Variants in ZXDB observed in about 807,000 individuals in gnomAD.
The protein encoded by ZXDB is zinc finger X-linked duplicated B, also known as zinc finger X-linked protein ZXDB.
For missense variants in ZXDB, 413 were observed against 679.1 expected (o/e 0.61, Z 4.36); for synonymous variants, 273 against 314.3 (o/e 0.87, Z 1.39).
Position 57,593,369 on chromosome X carries a change from C to G in ZXDB, c.1321C>G (p.Leu441Val). The G allele has an allele frequency of 8.3e-7, 1 of 1,211,931 alleles. No homozygotes were observed. Among genetic ancestry groups the G allele is most frequent in the Non-Finnish European group, 1.1e-6 (1 of 895,519 alleles). The change falls in exon 1 of 1, where the codon CTG (leucine) becomes GTG (valine). Residue 441 changes from leucine to valine, a missense_variant. Coordinates refer to ENST00000374888, the MANE Select transcript of ZXDB (RefSeq NM_007157.4). Reference sequence around the variant, plus strand: ...CAAACAATATGACAAGGCTTGTAGGCTGAAAATTCACCTGCGGAGTCACAC... The same window carrying G: ...CAAACAATATGACAAGGCTTGTAGGGTGAAAATTCACCTGCGGAGTCACAC... ...CSKQYDKACR[L>V]KIHLRSHTGE...
chrX:57,592,930 G>T lies in ZXDB; in HGVS notation c.882G>T (p.Thr294=). The change falls in exon 1 of 1, where the codon ACG becomes ACT. Residue 294 remains threonine, a synonymous_variant. Transcript: ENST00000374888. ...ACCAGCTGAAGGTGCACCTGCTGAC[G>T]CACAGCAGCAGCCAGGGCCAGAGGC... is the stretch of plus-strand genomic sequence containing the variant. The part of the protein sequence containing the change: ...KKHQLKVHLL[T]HSSSQGQRPF... 1 of 1,199,679 alleles carries T rather than the reference G, an allele frequency of 8.3e-7. No homozygotes were observed. The highest frequency in any genetic ancestry group is 1.1e-6 in the Non-Finnish European group (1 of 889,778).
Position 57,592,292 on chromosome X carries a change from AGCGGCG to A in ZXDB, c.263_268del (p.Gly88_Gly89del), listed in dbSNP as rs762823700. ...GTTGGCGCCGAGGACCGATCAACCT[AGCGGCG>A]GCGGCGGCGGCGGCGGCGACGACTT... On this transcript the variant is annotated inframe_deletion, in exon 1 of 1. Coordinates refer to ENST00000374888, the MANE Select transcript of ZXDB (RefSeq NM_007157.4). The A allele has an allele frequency of 1.1e-5, 13 of 1,183,647 alleles. No homozygotes were observed. Among genetic ancestry groups the A allele is most frequent in the East Asian group, 9.4e-5 (3 of 31,836 alleles).
In ZXDB at chrX:57,594,698, G is replaced by T; in HGVS notation, c.*238G>T. 2.7e-6 allele frequency: 1 copy of T among 376,395 alleles called. No individual in the cohort carries two copies. The highest frequency in any genetic ancestry group is 4.6e-6 in the Non-Finnish European group (1 of 217,862). 31.0% of individuals were successfully genotyped at this position (376,395 alleles called of 1,213,427 possible). ...TTAATTTCCTTATTTATAAATTGAGGTGGTTTGAATAGATTGCTTTTAAGG... is the reference window on the plus strand; with the variant it reads ...TTAATTTCCTTATTTATAAATTGAGTTGGTTTGAATAGATTGCTTTTAAGG... On this transcript the variant is annotated 3_prime_UTR_variant, in exon 1 of 1. Coordinates refer to ENST00000374888, the MANE Select transcript of ZXDB (RefSeq NM_007157.4).
rs1414367768 is a variant in ZXDB, at chrX:57,595,525, T to G, written c.*1065T>G. ...AGCTGCTGCAGATAAATGCATTAATTCATGATGCTTCTGATATGATGAGTC... is the reference window on the plus strand; with the variant it reads ...AGCTGCTGCAGATAAATGCATTAATGCATGATGCTTCTGATATGATGAGTC... On this transcript the variant is annotated 3_prime_UTR_variant, in exon 1 of 1. Transcript: ENST00000374888. 8.1e-6 allele frequency: 1 copy of G among 123,528 alleles called. No individual in the cohort carries two copies. The highest frequency in any genetic ancestry group is 3.2e-5 in the African/African-American group (1 of 30,914). 10.2% of individuals were successfully genotyped at this position (123,528 alleles called of 1,213,427 possible).
At position 57,596,631 on chromosome X, in the gene ZXDB, C is replaced by A. The variant is rs1190475519; in HGVS notation, c.*2171C>A. On this transcript the variant is annotated 3_prime_UTR_variant, in exon 1 of 1. Coordinates refer to ENST00000374888, the MANE Select transcript of ZXDB (RefSeq NM_007157.4). ...TTTTCACCCCTCCCAGTCTACCCAT[C>A]CAGCCTTCATGATTCATTCCTGTGT... 2 of 122,986 alleles carry A rather than the reference C, an allele frequency of 1.6e-5. No individual in the cohort carries two copies. The highest frequency in any genetic ancestry group is 5.7e-4 in the East Asian group (2 of 3,522). 10.1% of individuals were successfully genotyped at this position (122,986 alleles called of 1,213,427 possible).
At position 57,593,591 on chromosome X, in the gene ZXDB, G is replaced by A. The variant is rs765959510; in HGVS notation, c.1543G>A (p.Val515Met). ...AACCCACCTGGGCACAAAGCCTTTC[G>A]TGTGTCCTGTGGCAGGCTGCTGTGC... The part of the protein sequence containing the change: ...SITHLGTKPF[V>M]CPVAGCCARF... Residue 515 changes from valine (V) to methionine (M), a missense_variant, in exon 1 of 1, where the codon GTG (valine) becomes ATG (methionine). Physicochemically the swap from Val to Met is conservative, Grantham distance 21. Transcript: ENST00000374888. The A allele has an allele frequency of 1.8e-5, 22 of 1,209,035 alleles. No individual in the cohort carries two copies. In the East Asian group the frequency reaches 6.2e-4, roughly 34 times the overall value.
Position 57,592,349 on chromosome X carries a change from G to C in ZXDB, c.301G>C (p.Gly101Arg). Reference sequence around the variant, plus strand: ...CTTCCTGGTGCTGCTTGACCCGGTGGGTGGCGACGTGGAGACCGCGGGCTC... The same window carrying C: ...CTTCCTGGTGCTGCTTGACCCGGTGCGTGGCGACGTGGAGACCGCGGGCTC... ...DFFLVLLDPV[G>R]GDVETAGSGQ... The change falls in exon 1 of 1, where the codon GGT (glycine) becomes CGT (arginine). Residue 101 changes from glycine to arginine, a missense_variant. Coordinates refer to ENST00000374888, the MANE Select transcript of ZXDB (RefSeq NM_007157.4). 1.1e-5 allele frequency: 13 copies of C among 1,193,388 alleles called. No individual in the cohort carries two copies. The highest frequency in any genetic ancestry group is 1.5e-5 in the Non-Finnish European group (13 of 890,305).
At position 57,594,737 on chromosome X, in the gene ZXDB, T is replaced by C. The variant is rs2057905959; in HGVS notation, c.*277T>C. 3.7e-6 allele frequency: 1 copy of C among 267,292 alleles called. No individual in the cohort carries two copies. The highest frequency in any genetic ancestry group is 2.8e-5 in the African/African-American group (1 of 35,331). The allele number at this position is 267,292 out of a possible 1,213,427, so 22.0% of individuals were successfully genotyped here. ...TTGCTTTTAAGGTCTTTCTGCTCTG[T>C]GATTCCTTGATAATACATTTCTTTC... On this transcript the variant is annotated 3_prime_UTR_variant, in exon 1 of 1. Transcript: ENST00000374888.
In ZXDB at chrX:57,592,291, TAGCGGCGGC is replaced by T. The variant is rs2057895131; in HGVS notation, c.244_252del (p.Ser82_Gly84del). 8.4e-7 allele frequency: 1 copy of T among 1,185,554 alleles called. No individual in the cohort carries two copies. Among genetic ancestry groups the T allele is most frequent in the African/African-American group, 1.8e-5 (1 of 54,793 alleles). ...TGTTGGCGCCGAGGACCGATCAACC[TAGCGGCGGC>T]GGCGGCGGCGGCGGCGACGACTTCT... On this transcript the variant is annotated inframe_deletion, in exon 1 of 1. Transcript: ENST00000374888.
In ZXDB at chrX:57,592,440, A is replaced by G; in HGVS notation, c.392A>G (p.Glu131Gly). Reference protein sequence around the residue: ...AEEGPGLQGGESGANPAGPTA... With the variant: ...AEEGPGLQGGGSGANPAGPTA... ...GAGGGCCCGGGGCTCCAGGGGGGCG[A>G]GAGCGGCGCGAATCCCGCGGGGCCC... The change falls in exon 1 of 1, where the codon GAG becomes GGG. Residue 131 changes from glutamate to glycine, a missense_variant. Coordinates refer to ENST00000374888, the MANE Select transcript of ZXDB (RefSeq NM_007157.4). 1 of 1,160,122 alleles carries G rather than the reference A, an allele frequency of 8.6e-7. No homozygotes were observed. The highest frequency in any genetic ancestry group is 1.1e-6 in the Non-Finnish European group (1 of 873,842).
Position 57,595,194 on chromosome X carries a change from G to A in ZXDB, c.*734G>A, listed in dbSNP as rs749298969. On this transcript the variant is annotated 3_prime_UTR_variant, in exon 1 of 1. Coordinates refer to ENST00000374888, the MANE Select transcript of ZXDB (RefSeq NM_007157.4). ...TATTATTTTTAATTAGTAGAATCCC[G>A]TAAATCTCCTAAGTGTCTTCTTAAT... 153 of 123,262 alleles carry A rather than the reference G, an allele frequency of 1.2e-3. No individual in the cohort carries two copies. The highest frequency in any genetic ancestry group is 3.7e-4 in the South Asian group (1 of 2,684). 10.2% of individuals were successfully genotyped at this position (123,262 alleles called of 1,213,427 possible).
In ZXDB at chrX:57,595,665, A is replaced by C. The variant is rs2057908701; in HGVS notation, c.*1205A>C. 1 of 123,780 alleles carries C rather than the reference A, an allele frequency of 8.1e-6. No homozygotes were observed. The highest frequency in any genetic ancestry group is 9.4e-5 in the Admixed American group (1 of 10,606). The allele number at this position is 123,780 out of a possible 1,213,427, so 10.2% of individuals were successfully genotyped here. ...ATAGAACTAACAAGAAAAAATAGATAGCAAAAAAATGTGTTGGCTGTTCTC... is the reference window on the plus strand; with the variant it reads ...ATAGAACTAACAAGAAAAAATAGATCGCAAAAAAATGTGTTGGCTGTTCTC... On this transcript the variant is annotated 3_prime_UTR_variant, in exon 1 of 1. Transcript: ENST00000374888.
In ZXDB at chrX:57,594,803, G is replaced by T. The variant is rs764446375; in HGVS notation, c.*343G>T. ...GACGTTTTTCAGTGATGTGGCATGC[G>T]TTTTTTTTTAACTGCCCCCCCAGCC... On this transcript the variant is annotated 3_prime_UTR_variant, in exon 1 of 1. Coordinates refer to ENST00000374888, the MANE Select transcript of ZXDB (RefSeq NM_007157.4). 6.3e-4 allele frequency: 104 copies of T among 164,362 alleles called. No individual in the cohort carries two copies. Among genetic ancestry groups the T allele is most frequent in the African/African-American group, 3.1e-3 (96 of 31,144 alleles). The allele number at this position is 164,362 out of a possible 1,213,427, so 13.5% of individuals were successfully genotyped here.
In ZXDB at chrX:57,596,993, CGTTTTAAA is replaced by C. The variant is rs773415474; in HGVS notation, c.*2534_*2541del. 1 of 123,317 alleles carries C rather than the reference CGTTTTAAA, an allele frequency of 8.1e-6. No homozygotes were observed. The highest frequency in any genetic ancestry group is 2.8e-4 in the East Asian group (1 of 3,582). The allele number at this position is 123,317 out of a possible 1,213,427, so 10.2% of individuals were successfully genotyped here. ...AAGTGGATTTCTGTTTCATTACTTCCGTTTTAAAAGTTTTTGCCAGAGAGTTTTGCTAA... is the reference window on the plus strand; with the variant it reads ...AAGTGGATTTCTGTTTCATTACTTCCAGTTTTTGCCAGAGAGTTTTGCTAA... On this transcript the variant is annotated 3_prime_UTR_variant, in exon 1 of 1. Coordinates refer to ENST00000374888, the MANE Select transcript of ZXDB (RefSeq NM_007157.4).
Position 57,594,252 on chromosome X carries a change from A to G in ZXDB, c.2204A>G (p.Asp735Gly). Residue 735 changes from aspartate to glycine, a missense_variant, in exon 1 of 1, where the codon GAT (aspartate) becomes GGT (glycine). Coordinates refer to ENST00000374888, the MANE Select transcript of ZXDB (RefSeq NM_007157.4). Reference protein sequence around the residue: ...TPSSKLTVDTDALTPSSTLCE... With the variant: ...TPSSKLTVDTGALTPSSTLCE... ...AGCAGTAAGCTAACAGTGGACACAGATGCTCTGACTCCTTCGAGCACCCTT... is the reference window on the plus strand; with the variant it reads ...AGCAGTAAGCTAACAGTGGACACAGGTGCTCTGACTCCTTCGAGCACCCTT... 1 of 1,211,837 alleles carries G rather than the reference A, an allele frequency of 8.3e-7. No individual in the cohort carries two copies. The highest frequency in any genetic ancestry group is 1.1e-6 in the Non-Finnish European group (1 of 895,554).
Position 57,593,186 on chromosome X carries a change from A to G in ZXDB, c.1138A>G (p.Ser380Gly), listed in dbSNP as rs779837693. 170 of 1,209,769 alleles carry G rather than the reference A, an allele frequency of 1.4e-4. No individual in the cohort carries two copies. The highest frequency in any genetic ancestry group is 6.5e-4 in the South Asian group (37 of 56,799). Reference sequence around the variant, plus strand: ...GAGCTTCCCCACGCAGGCCAAACTCAGCGCCCACCAGCGCAGCCACTTCGA... The same window carrying G: ...GAGCTTCCCCACGCAGGCCAAACTCGGCGCCCACCAGCGCAGCCACTTCGA... ...EESFPTQAKL[S>G]AHQRSHFEPE... Residue 380 changes from serine to glycine, a missense_variant, in exon 1 of 1, where the codon AGC (serine) becomes GGC (glycine). Transcript: ENST00000374888.
At position 57,592,823 on chromosome X, in the gene ZXDB, C is replaced by T. The variant is rs757580794; in HGVS notation, c.775C>T (p.Arg259Cys). The T allele has an allele frequency of 9.5e-6, 11 of 1,152,100 alleles. No individual in the cohort carries two copies. Among genetic ancestry groups the T allele is most frequent in the Non-Finnish European group, 1.3e-5 (11 of 868,696 alleles). The allele number at this position is 1,152,100 out of a possible 1,213,427, so 94.9% of individuals were successfully genotyped here. ...AEGPAAALGP[R>C]GPLGSGPGVV... ...GGGCCCGGCCGCCGCCCTGGGCCCC[C>T]GCGGACCGCTGGGCTCCGGCCCAGG... The change falls in exon 1 of 1, where the codon CGC (arginine) becomes TGC (cysteine). Residue 259 changes from arginine (R) to cysteine (C), a missense_variant. Physicochemically the swap from Arg to Cys is radical, Grantham distance 180. Transcript: ENST00000374888.
At position 57,592,309 on chromosome X, in the gene ZXDB, C is replaced by T; in HGVS notation, c.261C>T (p.Gly87=). 8.4e-7 allele frequency: 1 copy of T among 1,189,349 alleles called. No homozygotes were observed. The highest frequency in any genetic ancestry group is 1.8e-5 in the South Asian group (1 of 55,366). The part of the protein sequence containing the change: ...RTDQPSGGGG[G]GGDDFFLVLL... ...ATCAACCTAGCGGCGGCGGCGGCGG[C>T]GGCGGCGACGACTTCTTCCTGGTGC... is the stretch of plus-strand genomic sequence containing the variant. The change falls in exon 1 of 1, where the codon GGC becomes GGT. Residue 87 remains glycine, a synonymous_variant. Coordinates refer to ENST00000374888, the MANE Select transcript of ZXDB (RefSeq NM_007157.4).
chrX:57,594,481 A>G lies in ZXDB; in HGVS notation c.*21A>G, dbSNP rs910526093. ...TATGAACCAACTCTATTCATTCCTCATCATGTGGCTTACTTTTATTACAGT... is the reference window on the plus strand; with the variant it reads ...TATGAACCAACTCTATTCATTCCTCGTCATGTGGCTTACTTTTATTACAGT... On this transcript the variant is annotated 3_prime_UTR_variant, in exon 1 of 1. Transcript: ENST00000374888. 1 of 1,175,691 alleles carries G rather than the reference A, an allele frequency of 8.5e-7. No homozygotes were observed. Among genetic ancestry groups the G allele is most frequent in the Non-Finnish European group, 1.1e-6 (1 of 877,796 alleles).
Sources: allele counts gnomAD v4.1 joint callset, GRCh38; gene constraint gnomAD v4.1.1; transcripts MANE v1.5; gene names NCBI Gene and HGNC (gene_info 2026-07-23, HGNC 2026-07-21).